The following SLC26A7 variants were observed in gnomAD, a reference collection of about 807,000 sequenced individuals.
The protein encoded by SLC26A7 is anion exchange transporter.
A neutral mutation model predicts 82.5 loss-of-function variants in SLC26A7; 59 were observed. The observed-to-expected ratio is 0.72, with a 90% CI of 0.58 to 0.89. The LOEUF (loss-of-function observed/expected upper bound fraction) is 0.89, where lower values mean the gene tolerates loss of function less well. Among genes scored for constraint, SLC26A7 ranks in the 40% least tolerant of loss-of-function variants. The probability of loss-of-function intolerance (pLI) is 0.00; values close to 1 mark genes in which losing one functional copy is unlikely to be tolerated. For missense variants in SLC26A7, 820 were observed against 793.0 expected (o/e 1.03, Z -0.41); for synonymous variants, 271 against 274.3 (o/e 0.99, Z 0.12).
intron 5 of SLC26A7, among the ~76,000 whole-genome samples, chr8:91,330,036 T>G (rs1474747549): frequency 6.6e-6 from 1 of 152,116 alleles, no homozygotes; most frequent in Non-Finnish European, 1.5e-5. Flanking sequence ...ACTTTTCTTT[T>G]GAAGTAGCAT....
chr8:91,275,835 T>C (rs1356552814), intron 2 of SLC26A7, among the ~76,000 whole-genome samples: 2 of 152,210 alleles, frequency 1.3e-5, no homozygotes, highest in Non-Finnish European at 2.9e-5. Flanking sequence ...TGCACTGGTC[T>C]GACCAGACAA....
chr8:91,257,036 C>T (rs896645343), intron 2 of SLC26A7, among the ~76,000 whole-genome samples: 3 of 152,116 alleles, frequency 2.0e-5, no homozygotes, highest in African/African-American at 7.2e-5. Context: ...ATCTACCCCT[C>T]AGGCTGCCCC....
intron 2 of SLC26A7, among the ~76,000 whole-genome samples, chr8:91,276,115 G>A (rs1054532514): frequency 6.6e-6 from 1 of 152,104 alleles, no homozygotes; most frequent in African/African-American, 2.4e-5. Context: ...CATGCATGGT[G>A]TGATGTTTAC....
chr8:91,262,353 T>C (rs1810992081), intron 2 of SLC26A7, among the ~76,000 whole-genome samples: 1 of 152,038 alleles, frequency 6.6e-6, no homozygotes, highest in African/African-American at 2.4e-5. Context: ...GATTAGAACC[T>C]GGGGCCAAAG....
chr8:91,397,698 C>T lies in SLC26A7; in HGVS notation c.*2601C>T, dbSNP rs926478201. The stretch of plus-strand genomic sequence containing the variant: ...CAAGTGTTATAAGTTTTAGCTTGAA[C>T]TACTTTGCAGTAATTTATTTGACAG... On this transcript the variant is annotated 3_prime_UTR_variant, in exon 19 of 19. Coordinates refer to ENST00000276609, the MANE Select transcript of SLC26A7 (RefSeq NM_052832.4). 2.0e-5 allele frequency: 3 copies of T among 152,506 alleles called. No individual in the cohort carries two copies. Among genetic ancestry groups the T allele is most frequent in the African/African-American group, 7.2e-5 (3 of 41,452 alleles). The allele number at this position is 152,506 out of a possible 1,614,324, so 9.4% of individuals were successfully genotyped here.
At chr8:91,235,474 A>G (rs559794117) in intron 2 of SLC26A7, among the ~76,000 whole-genome samples, 1 of 152,352 alleles carries the variant, frequency 6.6e-6, no homozygotes, top group East Asian at 1.9e-4. Context: ...AAAAATCAGA[A>G]TTCCCACCAG....
chr8:91,373,898 T>C (rs1436384346), intron 15 of SLC26A7, among the ~76,000 whole-genome samples: 7 of 152,014 alleles, frequency 4.6e-5, no homozygotes, highest in Admixed American at 1.3e-4. Flanking sequence ...TGAATAAATC[T>C]CATAATTCTT....
intron 2 of SLC26A7, among the ~76,000 whole-genome samples, chr8:91,241,385 CT>C (rs2130685899): frequency 6.6e-6 from 1 of 152,154 alleles, no homozygotes; most frequent in East Asian, 1.9e-4. Flanking sequence ...AACATATTTT[CT>C]TTATCTTTTA....
chr8:91,317,993 A>T lies in SLC26A7; in HGVS notation c.478-223A>T, dbSNP rs150428153. On this transcript the variant is annotated intron_variant, in intron 4 of 18. Transcript: ENST00000276609. The stretch of plus-strand genomic sequence containing the variant: ...TAAAAATAAACAAAAAAAATAAAAT[A>T]AAATTAAATTAAAAAAAAAAGAAAC... 7.2e-3 allele frequency among the ~76,000 whole-genome samples: 1,054 copies of T among 146,714 alleles called. 11 individuals are homozygous for T. The highest frequency in any genetic ancestry group is 0.025 in the South Asian group (119 of 4,744).
chr8:91,344,609 A>T (rs1175042602), intron 9 of SLC26A7, among the ~76,000 whole-genome samples: 1 of 152,224 alleles, frequency 6.6e-6, no homozygotes, highest in African/African-American at 2.4e-5. Flanking sequence ...TCAAGTTCAT[A>T]TCAATGTATC....
At chr8:91,251,686 C>A (rs1252438639) in intron 2 of SLC26A7, among the ~76,000 whole-genome samples, 1 of 152,006 alleles carries the variant, frequency 6.6e-6, no homozygotes, top group Non-Finnish European at 1.5e-5. Flanking sequence ...TCTCCATTTT[C>A]CACAGGAGAA....
At chr8:91,274,648 G>A (rs1017291823) in intron 2 of SLC26A7, among the ~76,000 whole-genome samples, 7 of 152,134 alleles carry the variant, frequency 4.6e-5, no homozygotes, top group African/African-American at 1.7e-4. Context: ...CTCTTATACT[G>A]ACAACTAAAT....
intron 12 of SLC26A7, 78 bp downstream of exon 12, chr8:91,362,537 A>T: frequency 9.6e-7 from 1 of 1,043,196 alleles, no homozygotes; most frequent in Admixed American, 2.0e-5. Flanking sequence ...GGTACTTGCT[A>T]GTTACTTTTA....
chr8:91,347,726 C>G (rs1813603086), intron 9 of SLC26A7, among the ~76,000 whole-genome samples: 1 of 152,116 alleles, frequency 6.6e-6, no homozygotes, highest in Non-Finnish European at 1.5e-5. Context: ...TCATTTAACA[C>G]CAAGTGCCAT....
At chr8:91,343,875 G>A (rs1208570610) in intron 9 of SLC26A7, 3 of 372,326 alleles carry the variant, frequency 8.1e-6, no homozygotes, top group Non-Finnish European at 7.4e-6. Flanking sequence ...CTATAGATAT[G>A]TACAAGTATA....
chr8:91,348,472 A>G, intron 9 of SLC26A7: 2 of 477,224 alleles, frequency 4.2e-6, no homozygotes, highest in Non-Finnish European at 5.5e-6. Context: ...TTGTTTGAGA[A>G]CATAACAAGA....
intron 4 of SLC26A7, among the ~76,000 whole-genome samples, chr8:91,307,750 G>A (rs2130794008): frequency 6.7e-6 from 1 of 148,972 alleles, no homozygotes; most frequent in East Asian, 2.0e-4. Flanking sequence ...GTATACATAT[G>A]TAACTAACCT....
At chr8:91,278,019 G>A (rs1323914509) in intron 2 of SLC26A7, among the ~76,000 whole-genome samples, 1 of 152,142 alleles carries the variant, frequency 6.6e-6, no homozygotes, top group African/African-American at 2.4e-5. Flanking sequence ...CTGCCATATC[G>A]TTGGGACCAT....
chr8:91,273,680 C>G (rs946657825), intron 2 of SLC26A7, among the ~76,000 whole-genome samples: 5 of 152,140 alleles, frequency 3.3e-5, no homozygotes, highest in African/African-American at 4.8e-5. Context: ...AACTTCGTGA[C>G]TTTTCAGGAA....
Sources: allele counts gnomAD v4.1 joint callset (sites outside exome capture counted in the v4.1 genomes callset), GRCh38; gene constraint gnomAD v4.1.1; transcripts MANE v1.5; gene names NCBI Gene and HGNC (gene_info 2026-07-23, HGNC 2026-07-21).